The following C1QTNF3 variants were observed in gnomAD, a reference collection of about 807,000 sequenced individuals.
The protein encoded by C1QTNF3 is C1q and TNF related 3.
C1QTNF3 carries 26 observed loss-of-function variants against 32.6 expected under a neutral mutation model. The observed-to-expected ratio is 0.80, with a 90% confidence interval of 0.58 to 1.11. C1QTNF3 has a LOEUF of 1.11. Ranked by LOEUF, C1QTNF3 falls within the 50% of genes least tolerant of loss-of-function variation. The pLI is 0.00. For missense variants in C1QTNF3, 362 were observed against 398.2 expected (o/e 0.91, Z 0.77); for synonymous variants, 155 against 146.0 (o/e 1.06, Z -0.44).
At chr5:34,072,097 GTTTCCAT>G in the C1QTNF3 span, among the ~76,000 whole-genome samples, 1 of 152,004 alleles carries the variant, frequency 6.6e-6, no homozygotes, top group African/African-American at 2.4e-5. Context: ...CAGTTACTCA[GTTTCCAT>G]TTTTAACAAG....
chr5:34,140,083 T>G, the C1QTNF3 span, among the ~76,000 whole-genome samples: 1 of 152,214 alleles, frequency 6.6e-6, no homozygotes, highest in Non-Finnish European at 1.5e-5. Flanking sequence ...ATGGAAGCTA[T>G]AGCCATTGAA....
chr5:34,172,980 T>C, the C1QTNF3 span, among the ~76,000 whole-genome samples: 3 of 152,170 alleles, frequency 2.0e-5, no homozygotes, highest in South Asian at 2.1e-4. Context: ...TTTTTAAAAA[T>C]ATTTTAACTT....
chr5:34,062,679 C>T, the C1QTNF3 span, among the ~76,000 whole-genome samples: 84 of 152,296 alleles, frequency 5.5e-4, 1 homozygote, highest in East Asian at 0.015. Context: ...AGCCATTTAT[C>T]GTCCTGTCCT....
chr5:34,129,759 C>A, the C1QTNF3 span, among the ~76,000 whole-genome samples: 1 of 151,548 alleles, frequency 6.6e-6, no homozygotes, highest in Non-Finnish European at 1.5e-5. Flanking sequence ...TTATAGTGGG[C>A]CTATTGGGTC....
the C1QTNF3 span, among the ~76,000 whole-genome samples, chr5:34,147,729 T>G: frequency 6.6e-6 from 1 of 152,150 alleles, no homozygotes; most frequent in Non-Finnish European, 1.5e-5. Flanking sequence ...GCTTACTACC[T>G]GGGTGATGTG....
At chr5:34,141,912 CTTG>C in the C1QTNF3 span, among the ~76,000 whole-genome samples, 1 of 152,046 alleles carries the variant, frequency 6.6e-6, no homozygotes, top group Admixed American at 6.6e-5. Flanking sequence ...ACCAGCCAGT[CTTG>C]TTGTCCCAGG....
the C1QTNF3 span, among the ~76,000 whole-genome samples, chr5:34,182,249 C>A: frequency 6.6e-6 from 1 of 152,426 alleles, no homozygotes; most frequent in East Asian, 1.9e-4. Context: ...CAACTCCTGG[C>A]CTAAAGTGAT....
chr5:34,049,259 TC>T, the C1QTNF3 span, among the ~76,000 whole-genome samples: 8 of 152,214 alleles, frequency 5.3e-5, no homozygotes, highest in East Asian at 1.5e-3. Context: ...GTTGGGCAGT[TC>T]CCCCTCCTCA....
At chr5:34,134,856 T>C in the C1QTNF3 span, among the ~76,000 whole-genome samples, 2 of 152,236 alleles carry the variant, frequency 1.3e-5, no homozygotes, top group African/African-American at 4.8e-5. Flanking sequence ...TATACAACCA[T>C]GTCATCTGCA....
the C1QTNF3 span, among the ~76,000 whole-genome samples, chr5:34,178,031 C>A: frequency 6.7e-6 from 1 of 148,518 alleles, no homozygotes; most frequent in East Asian, 2.0e-4. Context: ...CTTTGGGAGG[C>A]CAAGGCAGGT....
chr5:34,088,574 AAATGGTTCTC>A, the C1QTNF3 span, among the ~76,000 whole-genome samples: 1 of 152,248 alleles, frequency 6.6e-6, no homozygotes, highest in Non-Finnish European at 1.5e-5. Context: ...GTGAAAATTA[AAATGGTTCTC>A]TGACATTTGG....
chr5:34,176,353 T>C, the C1QTNF3 span, among the ~76,000 whole-genome samples: 1 of 149,770 alleles, frequency 6.7e-6, no homozygotes, highest in Non-Finnish European at 1.5e-5. Flanking sequence ...TGTATACGTA[T>C]GTAACTAACA....
intron 2 of C1QTNF3, among the ~76,000 whole-genome samples, chr5:34,035,142 G>A (rs543155547): frequency 2.6e-5 from 4 of 152,316 alleles, no homozygotes; most frequent in African/African-American, 9.6e-5. Flanking sequence ...CATTGGCACA[G>A]TACAGATGAC....
At chr5:34,094,621 T>A in the C1QTNF3 span, among the ~76,000 whole-genome samples, 2 of 152,072 alleles carry the variant, frequency 1.3e-5, no homozygotes, top group Middle Eastern at 6.8e-3. Flanking sequence ...CGTGTATTAA[T>A]ACATATTAGA....
intron 3 of C1QTNF3, 135 bp downstream of exon 3, chr5:34,033,169 T>C (rs968645598): frequency 3.0e-5 from 28 of 929,676 alleles, no homozygotes; most frequent in African/African-American, 8.4e-5. Flanking sequence ...TCCTGTGATG[T>C]AGATGAACAA....
At chr5:34,028,908 A>G (rs759776301) in intron 3 of C1QTNF3, 25 bp from the exon 4 acceptor site, 1 of 1,599,442 alleles carries the variant, frequency 6.3e-7, no homozygotes, top group South Asian at 1.1e-5. Context: ...ATTGGTCAAT[A>G]AATAGGCAAT....
chr5:34,029,072 T>G (rs934063220), intron 3 of C1QTNF3, 189 bp from the exon 4 acceptor site: 3 of 438,648 alleles, frequency 6.8e-6, no homozygotes, highest in Admixed American at 8.2e-5. Context: ...AGATTGACAA[T>G]GTCTATCAAC....
At chr5:34,165,317 T>A in the C1QTNF3 span, 1 of 152,250 alleles carries the variant, frequency 6.6e-6, no homozygotes. Flanking sequence ...TCGGCCCGCA[T>A]AATCGCATGA....
the C1QTNF3 span, among the ~76,000 whole-genome samples, chr5:34,223,125 C>T: frequency 6.7e-6 from 1 of 149,588 alleles, no homozygotes; most frequent in Non-Finnish European, 1.5e-5. Context: ...CCCATTAACT[C>T]GTCATTTAGC....
Sources: gnomAD v4.1 joint callset for allele counts (sites outside exome capture counted in the v4.1 genomes callset) on GRCh38, gnomAD v4.1.1 for gene constraint, MANE v1.5 for transcripts, NCBI Gene and HGNC (gene_info 2026-07-23, HGNC 2026-07-21) for gene names.